FREM2: variants seen among roughly 807,000 people sequenced by gnomAD.
FREM2 encodes the protein FRAS1 related extracellular matrix 2, also known as FRAS1-related extracellular matrix protein 2.
FREM2 carries 119 observed loss-of-function variants against 219.9 expected under a neutral mutation model. The observed-to-expected ratio is 0.54, with a 90% confidence interval of 0.47 to 0.63. The LOEUF (loss-of-function observed/expected upper bound fraction) is 0.63. Among genes scored for constraint, FREM2 ranks in the 30% least tolerant of loss-of-function variants. The pLI, the probability that FREM2 is intolerant of heterozygous loss-of-function variation, is 0.00. For missense variants in FREM2, 4,030 were observed against 3,993.6 expected (o/e 1.01, Z -0.25); for synonymous variants, 1,562 against 1,522.8 (o/e 1.03, Z -0.60).
intron 6 of FREM2, among the ~76,000 whole-genome samples, chr13:38,822,260 A>G (rs1008980211): frequency 1.3e-5 from 2 of 152,026 alleles, no homozygotes; most frequent in Admixed American, 6.6e-5. Context: ...GGTGTTTCAC[A>G]AACAATGGGT....
At chr13:38,750,261 C>A (rs191299383) in intron 2 of FREM2, among the ~76,000 whole-genome samples, 2 of 152,260 alleles carry the variant, frequency 1.3e-5, no homozygotes, top group African/African-American at 2.4e-5. Flanking sequence ...TAGGAGGTAA[C>A]TGAATCATGA....
At chr13:38,840,892 C>T (rs1015970498) in intron 6 of FREM2, among the ~76,000 whole-genome samples, 1 of 152,028 alleles carries the variant, frequency 6.6e-6, no homozygotes, top group Non-Finnish European at 1.5e-5. Context: ...CATCTTTGAA[C>T]ACTTAGGTTA....
chr13:38,751,860 T>TA (rs1375689391), intron 2 of FREM2, among the ~76,000 whole-genome samples: 1 of 90,454 alleles, frequency 1.1e-5, no homozygotes, highest in Non-Finnish European at 2.6e-5. Context: ...TTTTTGTACT[T>TA]ACTCTGTGTG....
intron 6 of FREM2, among the ~76,000 whole-genome samples, chr13:38,831,719 C>T (rs1291440313): frequency 6.6e-6 from 1 of 150,950 alleles, no homozygotes; most frequent in African/African-American, 2.4e-5. Context: ...AAGCAATCCT[C>T]CTGCCTCAGC....
chr13:38,849,601 C>T (rs1024444125), intron 8 of FREM2, among the ~76,000 whole-genome samples: 6 of 152,128 alleles, frequency 3.9e-5, no homozygotes, highest in Non-Finnish European at 8.8e-5. Context: ...GAGCCCTATA[C>T]GTAATTAACC....
In FREM2 at chr13:38,691,609, C is replaced by G; in HGVS notation, c.4265C>G (p.Pro1422Arg). The G allele has an allele frequency of 1.9e-6, 3 of 1,614,102 alleles. No individual in the cohort carries two copies. The highest frequency in any genetic ancestry group is 2.5e-6 in the Non-Finnish European group (3 of 1,179,998). Reference sequence around the variant, plus strand: ...ATCGGGAGCATTGACATTGTCTTCCCTGATGTGATAAGTAAGGGAGTGTCC... The same window carrying G: ...ATCGGGAGCATTGACATTGTCTTCCGTGATGTGATAAGTAAGGGAGTGTCC... ...VSIGSIDIVFPDVISKGVSLK... is the reference protein window; with the variant it reads ...VSIGSIDIVFRDVISKGVSLK... Residue 1422 changes from proline to arginine, a missense_variant, in exon 1 of 24, where the codon CCT becomes CGT. Around this residue, in one of 2 missense-constraint regions of FREM2, gnomAD observed 3,102 missense variants for 2,950.7 expected, o/e 1.05. Transcript: ENST00000280481.
Position 38,688,751 on chromosome 13 carries a change from C to T in FREM2, c.1407C>T (p.Val469=). Reference sequence around the variant, plus strand: ...CAGGCAGTGGTCCGCAAAACTTGGTCATCAGCGATGAGGATGACCTAGAAG... The same window carrying T: ...CAGGCAGTGGTCCGCAAAACTTGGTTATCAGCGATGAGGATGACCTAGAAG... ...GPAGSGPQNL[V]ISDEDDLEAV... is the part of the protein sequence containing the mutation. Residue 469 remains valine (V), a synonymous_variant, in exon 1 of 24, where the codon GTC becomes GTT. Coordinates refer to ENST00000280481, the MANE Select transcript of FREM2 (RefSeq NM_207361.6). 6.2e-7 allele frequency: 1 copy of T among 1,614,050 alleles called. No individual in the cohort carries two copies. The highest frequency in any genetic ancestry group is 1.1e-5 in the South Asian group (1 of 91,072).
intron 16 of FREM2, among the ~76,000 whole-genome samples, chr13:38,869,610 A>G (rs1216147111): frequency 6.6e-6 from 1 of 152,196 alleles, no homozygotes; most frequent in Non-Finnish European, 1.5e-5. Context: ...ATGATATTTA[A>G]CTCTAAAATC....
intron 6 of FREM2, among the ~76,000 whole-genome samples, chr13:38,844,904 A>G (rs1309319903): frequency 1.3e-5 from 2 of 152,150 alleles, no homozygotes; most frequent in East Asian, 1.9e-4. Context: ...TTTGTGCCCT[A>G]CCTCAGTGTG....
chr13:38,806,391 T>C (rs1022333397), intron 6 of FREM2, among the ~76,000 whole-genome samples: 3 of 151,954 alleles, frequency 2.0e-5, no homozygotes, highest in Non-Finnish European at 4.4e-5. Flanking sequence ...AGTTTTCTGA[T>C]ATGTCTGTAA....
chr13:38,869,651 A>G (rs1878092140), intron 16 of FREM2, among the ~76,000 whole-genome samples: 1 of 152,240 alleles, frequency 6.6e-6, no homozygotes, highest in Non-Finnish European at 1.5e-5. Flanking sequence ...ATAAACACAG[A>G]TAAATAGCAG....
intron 6 of FREM2, among the ~76,000 whole-genome samples, chr13:38,825,724 T>C (rs1440259030): frequency 6.6e-6 from 1 of 152,120 alleles, no homozygotes; most frequent in African/African-American, 2.4e-5. Context: ...TTTATTAAGC[T>C]GTCCAGTTCT....
intron 2 of FREM2, among the ~76,000 whole-genome samples, chr13:38,703,128 G>C (rs2138085340): frequency 6.6e-6 from 1 of 152,202 alleles, no homozygotes; most frequent in East Asian, 1.9e-4. Flanking sequence ...TTTAATAGAA[G>C]GAGTACAAGT....
intron 3 of FREM2, among the ~76,000 whole-genome samples, chr13:38,768,395 GCCTCCC>G (rs1873525272): frequency 6.6e-6 from 1 of 151,984 alleles, no homozygotes; most frequent in Non-Finnish European, 1.5e-5. Context: ...ATCCACCTCA[GCCTCCC>G]CAGTAGCAAG....
rs1361868478 is a variant in FREM2, at chr13:38,859,284, T to C, written c.7216-3T>C. ...TCCTAACACAGTCATTTGTTTTCCG[T>C]AGGCTTGCAACCCCAAATATTCAGA... On this transcript the variant is annotated splice_region_variant and splice_polypyrimidine_tract_variant and intron_variant, in intron 13 of 23. Transcript: ENST00000280481. 6.2e-7 allele frequency: 1 copy of C among 1,614,066 alleles called. No individual in the cohort carries two copies. The highest frequency in any genetic ancestry group is 8.5e-7 in the Non-Finnish European group (1 of 1,179,920).
At chr13:38,695,624 C>G (rs1254588735) in intron 1 of FREM2, among the ~76,000 whole-genome samples, 1 of 152,148 alleles carries the variant, frequency 6.6e-6, no homozygotes, top group Non-Finnish European at 1.5e-5. Flanking sequence ...GGAAGAGGGT[C>G]TTCTCCACAT....
intron 15 of FREM2, among the ~76,000 whole-genome samples, chr13:38,863,870 A>T (rs9603457): frequency 0.4 from 60,692 of 151,654 alleles, 13,500 homozygotes; most frequent in African/African-American, 0.6. Context: ...TTCACCTTTG[A>T]TGTCCAGGCT....
intron 4 of FREM2, among the ~76,000 whole-genome samples, chr13:38,774,952 A>G (rs534099217): frequency 2.0e-5 from 3 of 152,338 alleles, no homozygotes; most frequent in African/African-American, 7.2e-5. Flanking sequence ...ATGGCCAGGA[A>G]CCAGTGGATT....
Position 38,688,038 on chromosome 13 carries a change from G to C in FREM2, c.694G>C (p.Glu232Gln). The change falls in exon 1 of 24, where the codon GAA becomes CAA. Residue 232 changes from glutamate to glutamine, a missense_variant. Physicochemically the swap from Glu to Gln is conservative, Grantham distance 29. Coordinates refer to ENST00000280481, the MANE Select transcript of FREM2 (RefSeq NM_207361.6). The part of the protein sequence containing the change: ...SGLGALPRYG[E>Q]LLHYPQVPGG... Reference sequence around the variant, plus strand: ...CTTGGGCGCGCTGCCTCGCTATGGAGAACTCCTCCACTACCCGCAGGTCCC... The same window carrying C: ...CTTGGGCGCGCTGCCTCGCTATGGACAACTCCTCCACTACCCGCAGGTCCC... The C allele has an allele frequency of 6.2e-7, 1 of 1,609,598 alleles. No individual in the cohort carries two copies. Among genetic ancestry groups the C allele is most frequent in the South Asian group, 1.1e-5 (1 of 90,932 alleles).
Sources: gnomAD v4.1 joint callset for allele counts (sites outside exome capture counted in the v4.1 genomes callset) on GRCh38, gnomAD v4.1.1 for gene constraint, gnomAD v4.1.1 regional missense constraint, MANE v1.5 for transcripts, NCBI Gene and HGNC (gene_info 2026-07-23, HGNC 2026-07-21) for gene names.